The following TMEM108 variants were observed in gnomAD, a reference collection of about 807,000 sequenced individuals.
TMEM108 encodes the protein cancer/testis antigen 124.
TMEM108 carries 12 observed loss-of-function variants against 35.1 expected under a neutral mutation model. The ratio of observed to expected loss-of-function variants is 0.34; its 90% CI spans 0.22 to 0.55. The LOEUF is 0.55. Ranked by LOEUF, TMEM108 falls within the 20% of genes least tolerant of loss-of-function variation. TMEM108 has a pLI of 0.89. For synonymous variants in TMEM108, 287 were observed against 308.6 expected, an observed-to-expected ratio of 0.93 and a Z score of 0.73; for missense variants, 680 against 753.3, an observed-to-expected ratio of 0.90 and a Z score of 1.14.
chr3:133,320,279 A>G (rs2071250128), intron 3 of TMEM108, among the ~76,000 whole-genome samples: 2 of 152,154 alleles, frequency 1.3e-5, no homozygotes, highest in African/African-American at 2.4e-5. Context: ...ATTAAAAAAT[A>G]TATACAGGAT....
intron 3 of TMEM108, among the ~76,000 whole-genome samples, chr3:133,263,676 GAGA>G (rs1356877512): frequency 2.0e-5 from 3 of 152,330 alleles, no homozygotes; most frequent in Non-Finnish European, 4.4e-5. Context: ...ATGGAAGAGA[GAGA>G]AGGACACAGA....
At chr3:133,392,405 C>T (rs1405478554) in intron 5 of TMEM108, among the ~76,000 whole-genome samples, 2 of 152,138 alleles carry the variant, frequency 1.3e-5, no homozygotes, top group Admixed American at 6.5e-5. Context: ...TCAAGTGACC[C>T]GCCCACCTCA....
intron 2 of TMEM108, among the ~76,000 whole-genome samples, chr3:133,216,050 C>A (rs1945903069): frequency 6.6e-6 from 1 of 151,978 alleles, no homozygotes; most frequent in Non-Finnish European, 1.5e-5. Flanking sequence ...CAGCAGTTGC[C>A]CCCACACCAC....
chr3:133,389,983 G>A (rs577633669), intron 4 of TMEM108, among the ~76,000 whole-genome samples, 197 bp from the exon 5 acceptor site: 50 of 152,282 alleles, frequency 3.3e-4, no homozygotes, highest in Non-Finnish European at 6.0e-4. Context: ...CTTCTGCCCC[G>A]TGATTTTGCT....
At chr3:133,142,183 C>T (rs1944650918) in intron 2 of TMEM108, among the ~76,000 whole-genome samples, 1 of 152,138 alleles carries the variant, frequency 6.6e-6, no homozygotes, top group Non-Finnish European at 1.5e-5. Flanking sequence ...TAAGATATGA[C>T]TTTGTCCTTA....
Position 133,265,932 on chromosome 3 carries a change from G to A in TMEM108, c.40+36581G>A, listed in dbSNP as rs1031078887. Reference sequence around the variant, plus strand: ...AAAGATACCATTCATTGTGTTGTCCGGTGCCTCTTATATCAAGACCTGTAA... The same window carrying A: ...AAAGATACCATTCATTGTGTTGTCCAGTGCCTCTTATATCAAGACCTGTAA... On this transcript the variant is annotated intron_variant, in intron 3 of 5. Coordinates refer to ENST00000321871, the MANE Select transcript of TMEM108 (RefSeq NM_023943.4). Among the ~76,000 whole-genome samples, 11 of 151,976 alleles carry A rather than the reference G, an allele frequency of 7.2e-5. No individual in the cohort carries two copies. In the South Asian group the frequency reaches 1.5e-3, roughly 20 times the overall value.
intron 2 of TMEM108, among the ~76,000 whole-genome samples, chr3:133,074,705 T>C (rs550792880): frequency 2.0e-5 from 3 of 152,204 alleles, no homozygotes; most frequent in Non-Finnish European, 4.4e-5. Context: ...GCCAGGCTAG[T>C]CTCGAACTCC....
At chr3:133,149,006 A>G (rs1465687866) in intron 2 of TMEM108, among the ~76,000 whole-genome samples, 1 of 152,158 alleles carries the variant, frequency 6.6e-6, no homozygotes, top group East Asian at 1.9e-4. Flanking sequence ...CAAACAAAAC[A>G]AAACAAAAAC....
At chr3:133,160,872 T>A (rs1291379892) in intron 2 of TMEM108, among the ~76,000 whole-genome samples, 1 of 152,152 alleles carries the variant, frequency 6.6e-6, no homozygotes, top group Non-Finnish European at 1.5e-5. Flanking sequence ...GTTTAAAGAT[T>A]TGATGCAAAG....
At chr3:133,059,439 C>A (rs1472280219) in intron 2 of TMEM108, among the ~76,000 whole-genome samples, 2 of 152,148 alleles carry the variant, frequency 1.3e-5, no homozygotes, top group African/African-American at 4.8e-5. Context: ...TTGTCCATTT[C>A]TGCCTTTATT....
chr3:133,257,755 G>A (rs1946567944), intron 3 of TMEM108, among the ~76,000 whole-genome samples: 1 of 152,230 alleles, frequency 6.6e-6, no homozygotes. Flanking sequence ...ACTAAGTGGA[G>A]TAGATACTGC....
chr3:133,395,839 C>A, intron 5 of TMEM108, 25 bp from the exon 6 acceptor site: 1 of 1,538,032 alleles, frequency 6.5e-7, no homozygotes, highest in South Asian at 1.3e-5. Flanking sequence ...CCAGCTCACT[C>A]CATCTCCTCC....
At chr3:133,323,162 CA>C (rs2071287505) in intron 3 of TMEM108, among the ~76,000 whole-genome samples, 1 of 152,058 alleles carries the variant, frequency 6.6e-6, no homozygotes, top group African/African-American at 2.4e-5. Context: ...CCAGCCAGAG[CA>C]ATCAGACAAG....
intron 2 of TMEM108, among the ~76,000 whole-genome samples, chr3:133,187,328 C>A (rs1945435040): frequency 6.6e-6 from 1 of 152,186 alleles, no homozygotes; most frequent in Admixed American, 6.5e-5. Flanking sequence ...CTACCAACTT[C>A]AGTGTTTAGA....
intron 2 of TMEM108, among the ~76,000 whole-genome samples, chr3:133,152,724 G>A (rs1284614693): frequency 6.6e-6 from 1 of 152,106 alleles, no homozygotes; most frequent in African/African-American, 2.4e-5. Context: ...TGTTTAAGCT[G>A]CTTTCTGAAA....
intron 2 of TMEM108, among the ~76,000 whole-genome samples, chr3:133,193,938 C>CT (rs34225124): frequency 0.37 from 51,293 of 139,496 alleles, 9,532 homozygotes; most frequent in East Asian, 0.46. Context: ...AACATTGATT[C>CT]TTTTTTTTTT....
intron 2 of TMEM108, among the ~76,000 whole-genome samples, chr3:133,082,554 A>G (rs1943826428): frequency 6.6e-6 from 1 of 152,184 alleles, no homozygotes; most frequent in African/African-American, 2.4e-5. Flanking sequence ...TAGTGTATTA[A>G]TTAGTATTGC....
At chr3:133,045,521 A>G (rs2107671217) in intron 1 of TMEM108, among the ~76,000 whole-genome samples, 1 of 152,260 alleles carries the variant, frequency 6.6e-6, no homozygotes, top group South Asian at 2.1e-4. Flanking sequence ...CAACCAACAG[A>G]ATGTGATGGA....
At chr3:133,301,791 C>T (rs1428378716) in intron 3 of TMEM108, among the ~76,000 whole-genome samples, 1 of 152,132 alleles carries the variant, frequency 6.6e-6, no homozygotes, top group Non-Finnish European at 1.5e-5. Context: ...AAGACCAGCA[C>T]AAAAACACTC....
Sources: gnomAD v4.1 joint callset for allele counts (sites outside exome capture counted in the v4.1 genomes callset) on GRCh38, gnomAD v4.1.1 for gene constraint, MANE v1.5 for transcripts, NCBI Gene and HGNC (gene_info 2026-07-23, HGNC 2026-07-21) for gene names.